SLC24A3: variants seen among roughly 807,000 people sequenced by gnomAD.
The protein encoded by SLC24A3 is sodium/potassium/calcium exchanger 3.
A neutral mutation model predicts 75.8 loss-of-function variants in SLC24A3; 28 were observed. The observed-to-expected ratio is 0.37, with a 90% CI of 0.27 to 0.51. The LOEUF is 0.51. SLC24A3 is among the 20% of genes least tolerant of loss of function. The pLI is 0.94. For synonymous variants in SLC24A3, 372 were observed against 334.1 expected (o/e 1.11, Z -1.24); for missense variants, 663 against 847.8 (o/e 0.78, Z 2.71).
At chr20:19,572,470 G>T (rs1037764918) in intron 3 of SLC24A3, among the ~76,000 whole-genome samples, 54 of 143,916 alleles carry the variant, frequency 3.8e-4, no homozygotes, top group African/African-American at 1.3e-3. Flanking sequence ...AGCCCACTCA[G>T]GGGTACTGAT....
chr20:19,376,877 G>A (rs1271795412), intron 2 of SLC24A3, among the ~76,000 whole-genome samples: 2 of 152,234 alleles, frequency 1.3e-5, no homozygotes, highest in African/African-American at 4.8e-5. Context: ...CCAGCGAGCA[G>A]TGGATTGTAG....
At chr20:19,477,189 G>T (rs766652127) in intron 2 of SLC24A3, among the ~76,000 whole-genome samples, 16 of 152,104 alleles carry the variant, frequency 1.1e-4, no homozygotes, top group Non-Finnish European at 1.9e-4. Context: ...CCTAGGACCT[G>T]CCAGATGGCA....
intron 2 of SLC24A3, among the ~76,000 whole-genome samples, chr20:19,344,405 G>C (rs1985341922): frequency 6.6e-6 from 1 of 152,160 alleles, no homozygotes; most frequent in South Asian, 2.1e-4. Flanking sequence ...TACATGGCTT[G>C]GTCTTGGGTT....
chr20:19,650,366 T>C (rs1003915925), intron 6 of SLC24A3, among the ~76,000 whole-genome samples: 2 of 152,158 alleles, frequency 1.3e-5, no homozygotes, highest in Non-Finnish European at 1.5e-5. Flanking sequence ...TTGTGATATA[T>C]TTTCCTATTT....
At chr20:19,402,710 G>T (rs1174010547) in intron 2 of SLC24A3, among the ~76,000 whole-genome samples, 1 of 152,204 alleles carries the variant, frequency 6.6e-6, no homozygotes. Context: ...GAAAAGATCA[G>T]CAGTGAACAT....
At chr20:19,663,405 TC>T (rs2032353107) in intron 7 of SLC24A3, among the ~76,000 whole-genome samples, 1 of 110,854 alleles carries the variant, frequency 9.0e-6, no homozygotes, top group African/African-American at 4.8e-5. Flanking sequence ...GGCCTCCTCC[TC>T]CACCTCCTCC....
At chr20:19,719,448 T>C (rs2033078316) in intron 16 of SLC24A3, among the ~76,000 whole-genome samples, 1 of 151,860 alleles carries the variant, frequency 6.6e-6, no homozygotes, top group South Asian at 2.1e-4. Context: ...GGAGATGGGA[T>C]CTGGGGCATG....
chr20:19,582,816 C>T (rs1600289711), intron 4 of SLC24A3, among the ~76,000 whole-genome samples: 3 of 152,270 alleles, frequency 2.0e-5, no homozygotes, highest in Admixed American at 1.3e-4. Flanking sequence ...AACCAAAGCG[C>T]AGCGAGTGGA....
Position 19,213,054 on chromosome 20 carries a change from CGGG to C in SLC24A3, c.142+72_142+74del, listed in dbSNP as rs1600376776. ...GGCTCGGGGCTCCCGGGGCTGGGCG[CGGG>C]GCTCCTTCGGGCGGCCCGGCCGGAG... On this transcript the variant is annotated intron_variant, in intron 1 of 16. Coordinates refer to ENST00000328041, the MANE Select transcript of SLC24A3 (RefSeq NM_020689.4). 6.1e-6 allele frequency: 7 copies of C among 1,145,000 alleles called. No individual in the cohort carries two copies. In the East Asian group the frequency reaches 2.7e-4, roughly 44 times the overall value. The allele number at this position is 1,145,000 out of a possible 1,614,324, so 70.9% of individuals were successfully genotyped here. A position where few individuals can be genotyped will look rare whatever the true frequency, so the allele number is the denominator to read the frequency against.
chr20:19,537,968 G>A (rs1191859349), intron 3 of SLC24A3, among the ~76,000 whole-genome samples: 1 of 151,844 alleles, frequency 6.6e-6, no homozygotes, highest in Non-Finnish European at 1.5e-5. Flanking sequence ...CATGGCACAT[G>A]TATACATATG....
In SLC24A3 at chr20:19,698,673, G is replaced by A. The variant is rs764038376; in HGVS notation, c.1712G>A (p.Gly571Glu). The A allele has an allele frequency of 6.3e-7, 1 of 1,576,756 alleles. No homozygotes were observed. The highest frequency in any genetic ancestry group is 8.6e-7 in the Non-Finnish European group (1 of 1,158,712). Reference sequence around the variant, plus strand: ...CTGCAGACCCTGGCTGTGGATTACGGATCCTACGTAAGTGGTTTTCTCCAG... The same window carrying A: ...CTGCAGACCCTGGCTGTGGATTACGAATCCTACGTAAGTGGTTTTCTCCAG... ...WALQTLAVDY[G>E]SYIRLNSRGL... The change falls in exon 15 of 17, where the codon GGA becomes GAA. Residue 571 changes from glycine to glutamate, a missense_variant. This residue lies in a region of SLC24A3 where 510 missense variants were observed against 703.6 expected (regional missense o/e 0.72). Transcript: ENST00000328041.
intron 3 of SLC24A3, among the ~76,000 whole-genome samples, chr20:19,525,596 G>A (rs537349764): frequency 6.9e-4 from 105 of 152,230 alleles, no homozygotes; most frequent in African/African-American, 2.4e-3. Flanking sequence ...ATTGTCTGTC[G>A]AGGGCTGCTT....
chr20:19,253,283 G>T (rs183585144), intron 1 of SLC24A3, among the ~76,000 whole-genome samples: 171 of 152,340 alleles, frequency 1.1e-3, no homozygotes, highest in African/African-American at 4.0e-3. Context: ...ACGCTTGGTT[G>T]CAGGAATCTG....
At chr20:19,301,752 A>G (rs1037089402) in intron 2 of SLC24A3, among the ~76,000 whole-genome samples, 32 of 152,052 alleles carry the variant, frequency 2.1e-4, no homozygotes, top group African/African-American at 7.7e-4. Context: ...GACCCCCCTC[A>G]GCATCTCCCT....
intron 6 of SLC24A3, among the ~76,000 whole-genome samples, chr20:19,639,982 C>A (rs200817438): frequency 1.3e-5 from 2 of 152,248 alleles, no homozygotes; most frequent in East Asian, 1.9e-4. Context: ...CCCGCAAGCG[C>A]GGAGCGCAGC....
intron 3 of SLC24A3, among the ~76,000 whole-genome samples, chr20:19,553,311 T>C (rs140174765): frequency 6.6e-6 from 1 of 152,214 alleles, no homozygotes; most frequent in Non-Finnish European, 1.5e-5. Flanking sequence ...TCAATGTAGG[T>C]GATGCCCAGT....
chr20:19,394,784 G>T (rs1986425183), intron 2 of SLC24A3, among the ~76,000 whole-genome samples: 1 of 152,188 alleles, frequency 6.6e-6, no homozygotes, highest in Non-Finnish European at 1.5e-5. Context: ...GTAAAATGGT[G>T]CAGCCACAGT....
At chr20:19,642,261 C>G (rs1046740128) in intron 6 of SLC24A3, among the ~76,000 whole-genome samples, 1 of 152,196 alleles carries the variant, frequency 6.6e-6, no homozygotes, top group Non-Finnish European at 1.5e-5. Context: ...GATTCTATAG[C>G]TATTTGCAAA....
At chr20:19,528,406 T>C (rs1474882420) in intron 3 of SLC24A3, among the ~76,000 whole-genome samples, 1 of 152,204 alleles carries the variant, frequency 6.6e-6, no homozygotes, top group East Asian at 1.9e-4. Context: ...TAACCCATCC[T>C]TATTTCCTAA....
Sources: allele counts gnomAD v4.1 joint callset (sites outside exome capture counted in the v4.1 genomes callset), GRCh38; gene constraint gnomAD v4.1.1; regional missense constraint gnomAD v4.1.1; transcripts MANE v1.5; gene names NCBI Gene and HGNC (gene_info 2026-07-23, HGNC 2026-07-21).